Variants in AXDND1 observed in about 807,000 individuals in gnomAD.
AXDND1 encodes axonemal dynein light chain domain-containing protein 1.
A neutral mutation model predicts 137.5 loss-of-function variants in AXDND1; 110 were observed. The observed-to-expected ratio is 0.80, with a 90% CI of 0.69 to 0.94. AXDND1 has a LOEUF of 0.94. AXDND1 is among the 40% of genes least tolerant of loss of function. The probability of loss-of-function intolerance (pLI) is 0.00; values close to 1 mark genes in which losing one functional copy is unlikely to be tolerated. For missense variants in AXDND1, 1,191 were observed against 1,169.8 expected, an observed-to-expected ratio of 1.02 and a Z score of -0.26; for synonymous variants, 414 against 399.7, an observed-to-expected ratio of 1.04 and a Z score of -0.43.
At chr1:179,440,826 C>T (rs1485614772) in intron 15 of AXDND1, among the ~76,000 whole-genome samples, 4 of 152,116 alleles carry the variant, frequency 2.6e-5, no homozygotes, top group African/African-American at 7.2e-5. Flanking sequence ...AGTTTCTATG[C>T]GACCGGCTAC....
chr1:179,523,714 CT>C (rs1415415565), intron 21 of AXDND1, among the ~76,000 whole-genome samples: 1 of 151,344 alleles, frequency 6.6e-6, no homozygotes, highest in Admixed American at 6.6e-5. Context: ...AACATCATTC[CT>C]TTTTTTTTCC....
At chr1:179,533,767 C>A in intron 23 of AXDND1, 28 bp from the exon 24 acceptor site, 1 of 1,506,544 alleles carries the variant, frequency 6.6e-7, no homozygotes, top group South Asian at 1.1e-5. Flanking sequence ...ACTGTCAGTT[C>A]ATTCATATCT....
chr1:179,514,622 G>A (rs114673647), intron 21 of AXDND1, among the ~76,000 whole-genome samples: 6,955 of 152,080 alleles, frequency 0.046, 241 homozygotes, highest in Non-Finnish European at 0.069. Flanking sequence ...TTTCTTTGTT[G>A]ACTTTTTGTG....
Position 179,433,270 on chromosome 1 carries a change from A to C in AXDND1, c.1563+928A>C, listed in dbSNP as rs931321990. Among the ~76,000 whole-genome samples, 4 of 152,010 alleles carry C rather than the reference A, an allele frequency of 2.6e-5. No individual in the cohort carries two copies. In the South Asian group the frequency reaches 6.2e-4, roughly 24 times the overall value. On this transcript the variant is annotated intron_variant, in intron 15 of 25. Transcript: ENST00000367618. ...ATTCGATTCTTCTCTCTTCTTTATTAGTCTAGCTAGTGGTCTATTTTGTTA... is the reference window on the plus strand; with the variant it reads ...ATTCGATTCTTCTCTCTTCTTTATTCGTCTAGCTAGTGGTCTATTTTGTTA...
At chr1:179,490,550 A>G (rs1300094851) in intron 18 of AXDND1, among the ~76,000 whole-genome samples, 6 of 152,216 alleles carry the variant, frequency 3.9e-5, no homozygotes, top group Admixed American at 2.6e-4. Flanking sequence ...CCGCTTACTA[A>G]ATATTTAATG....
chr1:179,427,164 A>T (rs1021766656), intron 12 of AXDND1, among the ~76,000 whole-genome samples: 1 of 136,166 alleles, frequency 7.3e-6, no homozygotes, highest in Non-Finnish European at 1.6e-5. Context: ...GATCAGTCTC[A>T]AAACAAAAAC....
At chr1:179,488,632 CTCCT>C (rs1481343972) in intron 18 of AXDND1, among the ~76,000 whole-genome samples, 5 of 63,162 alleles carry the variant, frequency 7.9e-5, no homozygotes, top group African/African-American at 3.0e-4. Flanking sequence ...CTCTCTCTCT[CTCCT>C]TTCTTTCTTT....
chr1:179,551,119 C>G lies in AXDND1; in HGVS notation c.3032-3393C>G, dbSNP rs1410591. On this transcript the variant is annotated intron_variant, in intron 25 of 25. Coordinates refer to ENST00000367618, the MANE Select transcript of AXDND1 (RefSeq NM_144696.6). ...ATGAGGACAGAGTGTCTCCCTCAGG[C>G]ATGTGACTTTTCTATGGCAGGCCCC... The G allele has an allele frequency of 0.62, 995,158 of 1,607,334 alleles. 309,162 individuals carry two copies. The highest frequency in any genetic ancestry group is 0.66 in the Admixed American group (39,403 of 59,926).
In AXDND1 at chr1:179,483,338, A is replaced by G. The variant is rs1665655560; in HGVS notation, c.2091+117A>G. ...CAGGAGGTTGAGAGGGCAAAATAGA[A>G]GCTTGTATAATAATTTCTCAAATAA... is the stretch of plus-strand genomic sequence containing the variant. On this transcript the variant is annotated intron_variant, in intron 18 of 25. Coordinates refer to ENST00000367618, the MANE Select transcript of AXDND1 (RefSeq NM_144696.6). The G allele has an allele frequency of 5.4e-6, 3 of 557,546 alleles. No individual in the cohort carries two copies. In the South Asian group the frequency reaches 9.4e-5, roughly 17 times the overall value. The allele number at this position is 557,546 out of a possible 1,614,324, so 34.5% of individuals were successfully genotyped here. A position where few individuals can be genotyped will look rare whatever the true frequency, so the allele number is the denominator to read the frequency against.
At chr1:179,368,307 T>C (rs1399514680) in intron 2 of AXDND1, among the ~76,000 whole-genome samples, 1 of 152,204 alleles carries the variant, frequency 6.6e-6, no homozygotes, top group Admixed American at 6.5e-5. Context: ...CAGTTCCATC[T>C]TTACTTTTAA....
At chr1:179,435,730 A>T (rs549481471) in intron 15 of AXDND1, among the ~76,000 whole-genome samples, 1 of 152,312 alleles carries the variant, frequency 6.6e-6, no homozygotes, top group Non-Finnish European at 1.5e-5. Context: ...CAAACAATAA[A>T]AACCCTAGAA....
intron 15 of AXDND1, among the ~76,000 whole-genome samples, chr1:179,440,616 C>A (rs1288723319): frequency 6.6e-6 from 1 of 152,158 alleles, no homozygotes; most frequent in Non-Finnish European, 1.5e-5. Flanking sequence ...GGTGCAGCAG[C>A]GTGTGAGACA....
chr1:179,444,971 T>A lies in AXDND1; in HGVS notation c.1565T>A (p.Ile522Asn). Residue 522 changes from isoleucine (I) to asparagine (N), a missense_variant and splice_region_variant, in exon 16 of 26, where the codon ATC becomes AAC. By Grantham distance (149) the Ile-to-Asn change is moderately radical. Coordinates refer to ENST00000367618, the MANE Select transcript of AXDND1 (RefSeq NM_144696.6). The stretch of plus-strand genomic sequence containing the variant: ...CTCCCTCTTCCTTTCACTCTTTAGA[T>A]CCTGAATGAGAAAAAAGAAGAGTTT... ...VLLDFKQWQK[I>N]LNEKKEEFTG... is the part of the protein sequence containing the mutation. 6.3e-7 allele frequency: 1 copy of A among 1,590,568 alleles called. No individual in the cohort carries two copies. Among genetic ancestry groups the A allele is most frequent in the South Asian group, 1.1e-5 (1 of 90,096 alleles).
At chr1:179,369,470 C>T (rs1442330475) in intron 3 of AXDND1, among the ~76,000 whole-genome samples, 1 of 152,018 alleles carries the variant, frequency 6.6e-6, no homozygotes, top group African/African-American at 2.4e-5. Context: ...TGGCCAACAT[C>T]ATGAAACCCT....
intron 16 of AXDND1, chr1:179,450,470 T>C (rs1319946293): frequency 2.0e-5 from 3 of 152,240 alleles, no homozygotes; most frequent in African/African-American, 7.2e-5. Flanking sequence ...TGTGGGTTTT[T>C]CATAGATGCT....
chr1:179,438,585 C>T (rs1413391291), intron 15 of AXDND1, among the ~76,000 whole-genome samples: 2 of 152,170 alleles, frequency 1.3e-5, no homozygotes, highest in African/African-American at 4.8e-5. Context: ...GATGAGTAAG[C>T]TGAGTTAGAA....
chr1:179,375,849 G>C (rs1668569656), intron 4 of AXDND1, among the ~76,000 whole-genome samples: 1 of 152,128 alleles, frequency 6.6e-6, no homozygotes, highest in South Asian at 2.1e-4. Context: ...ACATATCCAA[G>C]AGAACCAGAA....
intron 9 of AXDND1, among the ~76,000 whole-genome samples, chr1:179,391,382 CTTGAA>C (rs1209572398): frequency 6.6e-6 from 1 of 151,920 alleles, no homozygotes; most frequent in Non-Finnish European, 1.5e-5. Context: ...CAAATCTCAT[CTTGAA>C]TTGTTGTTGC....
intron 3 of AXDND1, 129 bp from the exon 4 acceptor site, chr1:179,369,846 G>T: frequency 1.7e-6 from 1 of 581,446 alleles, no homozygotes; most frequent in Non-Finnish European, 3.0e-6. Context: ...TAAGAATTCT[G>T]CTCTCTTTTT....
Sources: allele counts gnomAD v4.1 joint callset (sites outside exome capture counted in the v4.1 genomes callset), GRCh38; gene constraint gnomAD v4.1.1; transcripts MANE v1.5; gene names NCBI Gene and HGNC (gene_info 2026-07-23, HGNC 2026-07-21).